Variants in EIF2AK2 observed in about 807,000 individuals in gnomAD.
EIF2AK2 encodes the protein interferon-induced, double-stranded RNA-activated protein kinase.
Under a neutral mutation model 70.5 loss-of-function variants are expected in EIF2AK2, and 40 were observed. That is an observed-to-expected ratio of 0.57 (90% confidence interval 0.44 to 0.74). EIF2AK2 has a LOEUF of 0.74. EIF2AK2 is among the 30% of genes least tolerant of loss of function. EIF2AK2 has a pLI of 0.00. For missense variants in EIF2AK2, 555 were observed against 644.3 expected, an observed-to-expected ratio of 0.86 and a Z score of 1.50; for synonymous variants, 198 against 220.9, an observed-to-expected ratio of 0.90 and a Z score of 0.92.
intron 6 of EIF2AK2, among the ~76,000 whole-genome samples, chr2:37,139,039 A>G (rs1675229132): frequency 6.6e-6 from 1 of 150,684 alleles, no homozygotes; most frequent in African/African-American, 2.4e-5. Flanking sequence ...GAGTTCGGCC[A>G]GGTGCAGTGG....
At chr2:37,112,507 C>A (rs551012972) in intron 14 of EIF2AK2, among the ~76,000 whole-genome samples, 1 of 152,274 alleles carries the variant, frequency 6.6e-6, no homozygotes, top group East Asian at 1.9e-4. Context: ...TGGAAGATGA[C>A]AATGTGATTA....
chr2:37,144,020 G>A (rs983967915), intron 4 of EIF2AK2, among the ~76,000 whole-genome samples: 4 of 152,214 alleles, frequency 2.6e-5, no homozygotes, highest in Non-Finnish European at 5.9e-5. Context: ...ACAATGGACT[G>A]CATATATGAC....
At chr2:37,153,342 T>C (rs925075929) in intron 1 of EIF2AK2, among the ~76,000 whole-genome samples, 1 of 142,868 alleles carries the variant, frequency 7.0e-6, no homozygotes. Context: ...CTAATCTTTT[T>C]TTTTTTTTTT....
At chr2:37,111,931 C>A (rs1396973661) in intron 14 of EIF2AK2, among the ~76,000 whole-genome samples, 9 of 134,764 alleles carry the variant, frequency 6.7e-5, no homozygotes, top group Non-Finnish European at 1.2e-4. Context: ...ATCTCTCTCT[C>A]TCTCTCTCTA....
chr2:37,115,049 T>C (rs1484191593), intron 13 of EIF2AK2, among the ~76,000 whole-genome samples, 190 bp from the exon 14 acceptor site: 2 of 150,918 alleles, frequency 1.3e-5, no homozygotes, highest in South Asian at 2.1e-4. Flanking sequence ...GGATTTCTTT[T>C]TTTTTTTTTT....
chr2:37,146,844 A>C lies in EIF2AK2; in HGVS notation c.240+9T>G, dbSNP rs766557068. On this transcript the variant is annotated intron_variant, in intron 4 of 16. Transcript: ENST00000233057. The stretch of plus-strand genomic sequence containing the variant: ...TTCCCATTTATTAGGAAAAAAGGCA[A>C]TCACTCACCTTCTTTTCCTTATTAA... The C allele has an allele frequency of 1.2e-6, 2 of 1,605,178 alleles. No individual in the cohort carries two copies. The highest frequency in any genetic ancestry group is 1.7e-6 in the Non-Finnish European group (2 of 1,177,872).
intron 13 of EIF2AK2, among the ~76,000 whole-genome samples, chr2:37,117,057 C>T (rs1350282972): frequency 6.6e-6 from 1 of 151,598 alleles, no homozygotes; most frequent in East Asian, 1.9e-4. Context: ...ACTAAAAATA[C>T]AAAAAATTAT....
At chr2:37,148,139 G>A (rs1200823967) in intron 2 of EIF2AK2, among the ~76,000 whole-genome samples, 1 of 152,038 alleles carries the variant, frequency 6.6e-6, no homozygotes, top group Non-Finnish European at 1.5e-5. Flanking sequence ...GCAACATGGC[G>A]AAACCCCATC....
At chr2:37,137,057 A>C (rs767790361) in intron 8 of EIF2AK2, 40 bp from the exon 9 acceptor site, 2 of 1,551,630 alleles carry the variant, frequency 1.3e-6, no homozygotes, top group Non-Finnish European at 1.8e-6. Context: ...CAGATGACTA[A>C]ATCAGTCATC....
chr2:37,110,639 T>C (rs566791058), intron 14 of EIF2AK2, among the ~76,000 whole-genome samples: 1 of 152,174 alleles, frequency 6.6e-6, no homozygotes, highest in African/African-American at 2.4e-5. Flanking sequence ...ATCAGATAGC[T>C]CAGTATATCT....
At chr2:37,137,067 C>T in intron 8 of EIF2AK2, 50 bp from the exon 9 acceptor site, 2 of 1,513,634 alleles carry the variant, frequency 1.3e-6, no homozygotes, top group Non-Finnish European at 1.8e-6. Context: ...AATCAGTCAT[C>T]TTCCTTTCCC....
chr2:37,130,126 A>T (rs1674888709), intron 10 of EIF2AK2, among the ~76,000 whole-genome samples: 1 of 147,692 alleles, frequency 6.8e-6, no homozygotes, highest in South Asian at 2.1e-4. Context: ...TTTGAGATGG[A>T]GTCTTGCTCT....
chr2:37,109,425 TG>T, intron 14 of EIF2AK2, 130 bp from the exon 15 acceptor site: 1 of 707,954 alleles, frequency 1.4e-6, no homozygotes, highest in Non-Finnish European at 2.3e-6. Flanking sequence ...TAGCAAAATC[TG>T]TGGAGTCTGA....
rs188647039 is a variant in EIF2AK2 at position 37,138,666 on chromosome 2, C to G, written c.517-81G>C. 7.3e-4 allele frequency: 854 copies of G among 1,170,596 alleles called. 1 individual carries two copies. Among genetic ancestry groups the G allele is most frequent in the Non-Finnish European group, 8.4e-4 (681 of 807,666 alleles). 72.5% of individuals were successfully genotyped at this position (1,170,596 alleles called of 1,614,324 possible). A position where few individuals can be genotyped will look rare whatever the true frequency, so the allele number is the denominator to read the frequency against. ...GAGGCTCAGTTTCTATGTACTATCA[C>G]ATTTATTTCAACACATTTACCAAAT... On this transcript the variant is annotated intron_variant, in intron 6 of 16. Coordinates refer to ENST00000233057, the MANE Select transcript of EIF2AK2 (RefSeq NM_001135651.3).
At chr2:37,150,304 A>G (rs928077902) in intron 1 of EIF2AK2, among the ~76,000 whole-genome samples, 2 of 152,336 alleles carry the variant, frequency 1.3e-5, no homozygotes, top group East Asian at 1.9e-4. Flanking sequence ...ACTCAGTATC[A>G]TAAGTCACTT....
At chr2:37,136,089 T>G (rs1675117550) in intron 9 of EIF2AK2, among the ~76,000 whole-genome samples, 1 of 152,208 alleles carries the variant, frequency 6.6e-6, no homozygotes. Flanking sequence ...CCTCAGGAAG[T>G]ACATCTCCTT....
chr2:37,127,896 C>G (rs971038833), intron 10 of EIF2AK2, among the ~76,000 whole-genome samples: 2 of 152,098 alleles, frequency 1.3e-5, no homozygotes, highest in South Asian at 4.2e-4. Context: ...GTGCATGCCA[C>G]GACACCTGCT....
chr2:37,129,043 T>G (rs1449806317), intron 10 of EIF2AK2, among the ~76,000 whole-genome samples: 1 of 152,042 alleles, frequency 6.6e-6, no homozygotes, highest in Non-Finnish European at 1.5e-5. Context: ...TCCAATTTAT[T>G]TCCCAATCCA....
rs984588606 is a variant in EIF2AK2, at chr2:37,134,081, T to A, written c.785+1403A>T. On this transcript the variant is annotated intron_variant, in intron 10 of 16. Transcript: ENST00000233057. Reference sequence around the variant, plus strand: ...ATCGCTGTCTTCTTCAGCTTATACATCCCTTCCTACACCCCTTCATGACCT... The same window carrying A: ...ATCGCTGTCTTCTTCAGCTTATACAACCCTTCCTACACCCCTTCATGACCT... Among the ~76,000 whole-genome samples the A allele has an allele frequency of 3.3e-5, 5 of 152,160 alleles. No individual in the cohort carries two copies. The East Asian group carries it at 7.7e-4, about 23-fold the overall frequency.
Sources: allele counts gnomAD v4.1 joint callset (sites outside exome capture counted in the v4.1 genomes callset), GRCh38; gene constraint gnomAD v4.1.1; transcripts MANE v1.5; gene names NCBI Gene and HGNC (gene_info 2026-07-23, HGNC 2026-07-21).